Variants in PCNX1 observed in about 807,000 individuals in gnomAD.
The protein encoded by PCNX1 is pecanex-like protein 1.
In PCNX1, 78 loss-of-function variants were observed where a neutral mutation model predicts 242.2. That is an observed-to-expected ratio of 0.32 (90% CI 0.27 to 0.39). The LOEUF (loss-of-function observed/expected upper bound fraction) is 0.39. Ranked by LOEUF, PCNX1 falls within the 10% of genes least tolerant of loss-of-function variation. The probability of loss-of-function intolerance (pLI) is 1.00; values close to 1 mark genes in which losing one functional copy is unlikely to be tolerated. For missense variants in PCNX1, 2,581 were observed against 2,856.5 expected, an observed-to-expected ratio of 0.90 and a Z score of 2.20; for synonymous variants, 1,024 against 1,032.9, an observed-to-expected ratio of 0.99 and a Z score of 0.17.
chr14:71,009,916 T>C, intron 9 of PCNX1, 192 bp downstream of exon 9: 1 of 411,186 alleles, frequency 2.4e-6, no homozygotes, highest in Non-Finnish European at 4.3e-6. Flanking sequence ...TTGGCTTAAT[T>C]GAGCTAAAAT....
intron 26 of PCNX1, among the ~76,000 whole-genome samples, chr14:71,068,099 G>T (rs1489614040): frequency 6.6e-6 from 1 of 151,990 alleles, no homozygotes; most frequent in African/African-American, 2.4e-5. Context: ...GGCCTAGGCG[G>T]GTGGATCATC....
intron 1 of PCNX1, among the ~76,000 whole-genome samples, chr14:70,914,896 A>G (rs1870054370): frequency 6.6e-6 from 1 of 152,080 alleles, no homozygotes; most frequent in Non-Finnish European, 1.5e-5. Context: ...GGCATGTTGT[A>G]GAATATCAGC....
intron 1 of PCNX1, among the ~76,000 whole-genome samples, chr14:70,935,660 C>T (rs2056972976): frequency 6.6e-6 from 1 of 152,188 alleles, no homozygotes; most frequent in Non-Finnish European, 1.5e-5. Flanking sequence ...GGGTTGTTGC[C>T]TTTCTGTCCA....
At chr14:70,931,724 T>C (rs1478102667) in intron 1 of PCNX1, among the ~76,000 whole-genome samples, 4 of 152,224 alleles carry the variant, frequency 2.6e-5, no homozygotes, top group African/African-American at 9.6e-5. Context: ...GCAATAAATA[T>C]GCTAGTGGTT....
rs749278532 is a variant in PCNX1 at position 71,026,797 on chromosome 14, G to A, written c.3381G>A (p.Val1127=). The A allele has an allele frequency of 6.5e-7, 1 of 1,533,094 alleles. No individual in the cohort carries two copies. Among genetic ancestry groups the A allele is most frequent in the Non-Finnish European group, 9.0e-7 (1 of 1,108,576 alleles). 95.0% of individuals were successfully genotyped at this position (1,533,094 alleles called of 1,614,324 possible). The change falls in exon 15 of 36, where the codon GTG becomes GTA. Residue 1127 remains valine (V), a synonymous_variant. Transcript: ENST00000304743. ...VIVFTLCFPI[V]FFIGLLPQVN... ...TGTTTACACTCTGTTTCCCAATAGTGTTTTTCATTGGTCTCCTGCCTCAGG... is the reference window on the plus strand; with the variant it reads ...TGTTTACACTCTGTTTCCCAATAGTATTTTTCATTGGTCTCCTGCCTCAGG...
At chr14:70,934,592 A>G (rs955992014) in intron 1 of PCNX1, among the ~76,000 whole-genome samples, 8 of 152,090 alleles carry the variant, frequency 5.3e-5, no homozygotes, top group African/African-American at 1.9e-4. Flanking sequence ...CATTTTAACC[A>G]TTTTTAAGTA....
intron 7 of PCNX1, among the ~76,000 whole-genome samples, chr14:70,992,365 G>T (rs1300666822): frequency 1.3e-5 from 2 of 152,094 alleles, no homozygotes; most frequent in African/African-American, 2.4e-5. Context: ...TAATAACTGA[G>T]AATTCATGAT....
intron 33 of PCNX1, among the ~76,000 whole-genome samples, chr14:71,107,929 C>T (rs1316008810): frequency 6.6e-6 from 1 of 152,138 alleles, no homozygotes; most frequent in East Asian, 1.9e-4. Context: ...GCTAGTTAAC[C>T]TATCCATCAC....
chr14:70,945,888 A>G (rs1474827684), intron 1 of PCNX1, among the ~76,000 whole-genome samples: 2 of 152,204 alleles, frequency 1.3e-5, no homozygotes, highest in African/African-American at 4.8e-5. Context: ...ACTGAGATTG[A>G]ATCTTGTGAA....
chr14:70,991,584 G>C (rs2140286885), intron 7 of PCNX1, among the ~76,000 whole-genome samples: 1 of 152,196 alleles, frequency 6.6e-6, no homozygotes, highest in South Asian at 2.1e-4. Context: ...TTTTTGTTGA[G>C]GTTCCAGGAT....
intron 1 of PCNX1, among the ~76,000 whole-genome samples, chr14:70,912,089 G>A (rs1164936726): frequency 6.6e-6 from 1 of 151,978 alleles, no homozygotes; most frequent in African/African-American, 2.4e-5. Flanking sequence ...CAAAAAATTA[G>A]CCGGGCATGG....
intron 12 of PCNX1, among the ~76,000 whole-genome samples, chr14:71,020,806 T>TG (rs1313333221): frequency 3.3e-5 from 5 of 152,192 alleles, no homozygotes; most frequent in African/African-American, 1.2e-4. Context: ...TTGCCATTGC[T>TG]TTGGTGTTTT....
intron 28 of PCNX1, among the ~76,000 whole-genome samples, chr14:71,083,441 A>G (rs950921207): frequency 3.9e-5 from 6 of 152,080 alleles, no homozygotes; most frequent in Non-Finnish European, 8.8e-5. Context: ...ATCCTGAAGA[A>G]TGTTTCCAAG....
At chr14:70,911,056 C>G (rs953554663) in intron 1 of PCNX1, among the ~76,000 whole-genome samples, 10 of 151,912 alleles carry the variant, frequency 6.6e-5, no homozygotes, top group African/African-American at 2.4e-4. Flanking sequence ...AAAAATAAAG[C>G]AAAATCCAAC....
At chr14:70,911,184 C>T (rs1283880526) in intron 1 of PCNX1, among the ~76,000 whole-genome samples, 2 of 152,096 alleles carry the variant, frequency 1.3e-5, no homozygotes, top group Non-Finnish European at 2.9e-5. Flanking sequence ...ACCCCGTGAC[C>T]TCATGAGGTT....
chr14:71,019,181 T>C lies in PCNX1; in HGVS notation c.3150+19T>C. ...GCTTAAGGTACCAGCATCTCTTCTT[T>C]TCATGCTACGGAATTATATTTGTGT... On this transcript the variant is annotated intron_variant, in intron 12 of 35. Coordinates refer to ENST00000304743, the MANE Select transcript of PCNX1 (RefSeq NM_014982.3). 1 of 1,581,732 alleles carries C rather than the reference T, an allele frequency of 6.3e-7. No homozygotes were observed. The highest frequency in any genetic ancestry group is 8.6e-7 in the Non-Finnish European group (1 of 1,163,362).
At chr14:71,083,574 G>T (rs2061909552) in intron 28 of PCNX1, among the ~76,000 whole-genome samples, 1 of 151,620 alleles carries the variant, frequency 6.6e-6, no homozygotes, top group South Asian at 2.1e-4. Flanking sequence ...CTCTCATCTT[G>T]TCTTCATGCT....
At chr14:71,000,428 G>A (rs2059469403) in intron 8 of PCNX1, among the ~76,000 whole-genome samples, 1 of 152,018 alleles carries the variant, frequency 6.6e-6, no homozygotes, top group Non-Finnish European at 1.5e-5. Flanking sequence ...AATAGAGTTA[G>A]GATCATGTCG....
chr14:70,943,491 G>A (rs2057340822), intron 1 of PCNX1, among the ~76,000 whole-genome samples: 1 of 152,208 alleles, frequency 6.6e-6, no homozygotes, highest in East Asian at 1.9e-4. Context: ...CTTTGAACTT[G>A]AGAGAAATGA....
Sources: gnomAD v4.1 joint callset for allele counts (sites outside exome capture counted in the v4.1 genomes callset) on GRCh38, gnomAD v4.1.1 for gene constraint, MANE v1.5 for transcripts, NCBI Gene and HGNC (gene_info 2026-07-23, HGNC 2026-07-21) for gene names.